PRKAG2: variants seen among roughly 807,000 people sequenced by gnomAD.
PRKAG2 encodes the protein protein kinase AMP-activated non-catalytic subunit gamma 2.
Under a neutral mutation model 69.6 loss-of-function variants are expected in PRKAG2, and 26 were observed. That is an observed-to-expected ratio of 0.37 (90% confidence interval 0.27 to 0.52). The LOEUF is 0.52. Among genes scored for constraint, PRKAG2 ranks in the 20% least tolerant of loss-of-function variants. The pLI is 0.90. For missense variants in PRKAG2, 557 were observed against 740.0 expected, an observed-to-expected ratio of 0.75 and a Z score of 2.87; for synonymous variants, 293 against 285.0, an observed-to-expected ratio of 1.03 and a Z score of -0.28.
intron 3 of PRKAG2, among the ~76,000 whole-genome samples, chr7:151,734,547 G>A (rs1392462107): frequency 2.6e-5 from 4 of 152,100 alleles, no homozygotes; most frequent in African/African-American, 7.2e-5. Context: ...CTGGCAATGC[G>A]CTGACTCTGA....
intron 3 of PRKAG2, among the ~76,000 whole-genome samples, chr7:151,735,548 G>A (rs1358501609): frequency 1.3e-5 from 2 of 152,052 alleles, no homozygotes; most frequent in Non-Finnish European, 1.5e-5. Context: ...TAAACTGCAT[G>A]TTTCATTTTT....
rs1285449100 is a variant in PRKAG2 at position 151,876,890 on chromosome 7, C to T, written c.-270G>A. 3 of 547,444 alleles carry T rather than the reference C, an allele frequency of 5.5e-6. No homozygotes were observed. Among genetic ancestry groups the T allele is most frequent in the Non-Finnish European group, 9.9e-6 (3 of 303,990 alleles). 33.9% of individuals were successfully genotyped at this position (547,444 alleles called of 1,614,324 possible). On this transcript the variant is annotated 5_prime_UTR_variant, in exon 1 of 16. Transcript: ENST00000287878. ...GGTTCTGGTGTCTCCCCGGGTTACTCGTGGCTGAGGTCTCCCGCTGGGTGA... is the reference window on the plus strand; with the variant it reads ...GGTTCTGGTGTCTCCCCGGGTTACTTGTGGCTGAGGTCTCCCGCTGGGTGA...
At chr7:151,736,520 G>T in intron 3 of PRKAG2, 1 of 594,896 alleles carries the variant, frequency 1.7e-6, no homozygotes, top group Non-Finnish European at 2.1e-6. Flanking sequence ...AAACCACCCT[G>T]GGCAGACAAT....
chr7:151,652,090 G>A (rs1828621561), intron 4 of PRKAG2, among the ~76,000 whole-genome samples: 1 of 152,096 alleles, frequency 6.6e-6, no homozygotes, highest in African/African-American at 2.4e-5. Context: ...TAATTAGCTC[G>A]GTTTAATCAT....
In PRKAG2 at chr7:151,850,404, G is replaced by T. The variant is rs767090907; in HGVS notation, c.114+26103C>A. 2.0e-5 allele frequency among the ~76,000 whole-genome samples: 3 copies of T among 152,246 alleles called. No individual in the cohort carries two copies. The highest frequency in any genetic ancestry group is 4.4e-5 in the Non-Finnish European group (3 of 68,044). Reference sequence around the variant, plus strand: ...TAGGTTATTTCCTCATCTTAGAAAGGAAGAAATGAACAGGAGGCAGAAGGG... The same window carrying T: ...TAGGTTATTTCCTCATCTTAGAAAGTAAGAAATGAACAGGAGGCAGAAGGG... On this transcript the variant is annotated intron_variant, in intron 1 of 15. Transcript: ENST00000287878. The surrounding 1 kb of genome is among the most constrained non-coding windows in gnomAD (Gnocchi z 4.1).
intron 3 of PRKAG2, among the ~76,000 whole-genome samples, chr7:151,751,695 T>C (rs898604229): frequency 6.6e-5 from 10 of 151,408 alleles, no homozygotes; most frequent in African/African-American, 2.2e-4. Flanking sequence ...GTTTGTTTGT[T>C]TGTTTGTTTG....
At chr7:151,809,409 G>A (rs2078300469) in intron 1 of PRKAG2, 5 of 365,588 alleles carry the variant, frequency 1.4e-5, no homozygotes, top group South Asian at 8.0e-5. Context: ...GGCGAGCTTC[G>A]AGGGGACTCC....
intron 1 of PRKAG2, among the ~76,000 whole-genome samples, chr7:151,823,548 G>A (rs148082509): frequency 6.6e-6 from 1 of 151,628 alleles, no homozygotes; most frequent in East Asian, 2.0e-4. Flanking sequence ...CCAAGGAGAT[G>A]GAACCTCACT....
chr7:151,789,884 C>T (rs1282298164), intron 1 of PRKAG2, among the ~76,000 whole-genome samples: 3 of 152,170 alleles, frequency 2.0e-5, no homozygotes, highest in Admixed American at 6.5e-5. Flanking sequence ...CAACCCAAGC[C>T]CCATAGATGA....
chr7:151,783,001 A>T (rs1422449878), intron 2 of PRKAG2, among the ~76,000 whole-genome samples: 2 of 152,238 alleles, frequency 1.3e-5, no homozygotes. Context: ...AAGGGAACAC[A>T]GGACACCCCA....
rs1341380186 is a variant in PRKAG2, at chr7:151,836,923, C to A, written c.114+39584G>T. Among the ~76,000 whole-genome samples the A allele has an allele frequency of 1.3e-5, 2 of 151,654 alleles. No individual in the cohort carries two copies. Among genetic ancestry groups the A allele is most frequent in the East Asian group, 2.0e-4 (1 of 5,126 alleles). ...CCAGACGCGAAAGGGCCCGGCCCAG[C>A]CAGCTTGCGGGGACCCCCGAGACGA... On this transcript the variant is annotated intron_variant, in intron 1 of 15. Transcript: ENST00000287878. The surrounding 1 kb of genome is among the most constrained non-coding windows in gnomAD (Gnocchi z 4.1).
rs1161352785 is a variant in PRKAG2, at chr7:151,638,960, C to T, written c.685-6822G>A. Reference sequence around the variant, plus strand: ...CTCCACTCTGCTCTGCAAGGGCGTCCTCCAAAGAGTAAAGAACGACGTGAA... The same window carrying T: ...CTCCACTCTGCTCTGCAAGGGCGTCTTCCAAAGAGTAAAGAACGACGTGAA... On this transcript the variant is annotated intron_variant, in intron 4 of 15. Coordinates refer to ENST00000287878, the MANE Select transcript of PRKAG2 (RefSeq NM_016203.4). This position sits in a 1 kb window ranked among gnomAD's most constrained non-coding sequence, Gnocchi z 4.3. Among the ~76,000 whole-genome samples, 5 of 152,142 alleles carry T rather than the reference C, an allele frequency of 3.3e-5. No homozygotes were observed. The highest frequency in any genetic ancestry group is 6.5e-5 in the Admixed American group (1 of 15,284).
At position 151,632,461 on chromosome 7, in the gene PRKAG2, C is replaced by T; in HGVS notation, c.685-323G>A. 7 of 693,874 alleles carry T rather than the reference C, an allele frequency of 1.0e-5. No homozygotes were observed. Among genetic ancestry groups the T allele is most frequent in the Non-Finnish European group, 1.2e-5 (7 of 564,432 alleles). 43.0% of individuals were successfully genotyped at this position (693,874 alleles called of 1,614,324 possible). A position where few individuals can be genotyped will look rare whatever the true frequency, so the allele number is the denominator to read the frequency against. The stretch of plus-strand genomic sequence containing the variant: ...GGACCCGGGAGCTCGAGGGCGGCAG[C>T]GCCTGGGCCCGGGGCGCCCCCCTCC... On this transcript the variant is annotated intron_variant, in intron 4 of 15. Coordinates refer to ENST00000287878, the MANE Select transcript of PRKAG2 (RefSeq NM_016203.4). This position sits in a 1 kb window ranked among gnomAD's most constrained non-coding sequence, Gnocchi z 4.2.
At chr7:151,680,861 C>A (rs1833779457) in intron 3 of PRKAG2, among the ~76,000 whole-genome samples, 1 of 152,208 alleles carries the variant, frequency 6.6e-6, no homozygotes, top group South Asian at 2.1e-4. Flanking sequence ...CCTGAGCTGT[C>A]CTCTCCCTTG....
intron 3 of PRKAG2, among the ~76,000 whole-genome samples, chr7:151,764,142 C>T (rs2075599938): frequency 6.6e-6 from 1 of 152,188 alleles, no homozygotes; most frequent in Non-Finnish European, 1.5e-5. Context: ...CCTGATCTGG[C>T]AAGCAGTTTG....
chr7:151,569,928 C>T (rs986566431), intron 10 of PRKAG2, among the ~76,000 whole-genome samples: 2 of 152,268 alleles, frequency 1.3e-5, no homozygotes, highest in Admixed American at 6.5e-5. Context: ...CCAGATTGGC[C>T]GAGATCTTCG....
chr7:151,593,357 T>A (rs1813700123), intron 6 of PRKAG2, among the ~76,000 whole-genome samples: 1 of 152,058 alleles, frequency 6.6e-6, no homozygotes, highest in African/African-American at 2.4e-5. Flanking sequence ...TCGGCTAATT[T>A]TAATTTTTGT....
At chr7:151,849,535 G>A (rs533195458) in intron 1 of PRKAG2, among the ~76,000 whole-genome samples, 1 of 152,282 alleles carries the variant, frequency 6.6e-6, no homozygotes, top group South Asian at 2.1e-4. Context: ...ACACACACGG[G>A]GTCTTAGAAC....
intron 1 of PRKAG2, among the ~76,000 whole-genome samples, chr7:151,803,323 T>G (rs1488603591): frequency 6.6e-6 from 1 of 152,162 alleles, no homozygotes; most frequent in East Asian, 1.9e-4. Context: ...GATTTGCGAT[T>G]AAAACACTTT....
Sources: gnomAD v4.1 joint callset for allele counts (sites outside exome capture counted in the v4.1 genomes callset) on GRCh38, gnomAD v4.1.1 for gene constraint, Gnocchi (gnomAD v3.1) non-coding constraint, MANE v1.5 for transcripts, NCBI Gene and HGNC (gene_info 2026-07-23, HGNC 2026-07-21) for gene names.